Variants in MTHFD1 observed in about 807,000 individuals in gnomAD.
The protein encoded by MTHFD1 is C-1-tetrahydrofolate synthase, cytoplasmic.
Under a neutral mutation model 110.3 loss-of-function variants are expected in MTHFD1, and 44 were observed. That is an observed-to-expected ratio of 0.40 (90% confidence interval 0.31 to 0.51). The LOEUF is 0.51. Among genes scored for constraint, MTHFD1 ranks in the 20% least tolerant of loss-of-function variants. The pLI, the probability that MTHFD1 is intolerant of heterozygous loss-of-function variation, is 0.60. For synonymous variants in MTHFD1, 402 were observed against 428.8 expected, an observed-to-expected ratio of 0.94 and a Z score of 0.77; for missense variants, 909 against 1,173.1, an observed-to-expected ratio of 0.77 and a Z score of 3.29.
In MTHFD1 at chr14:64,440,295, G is replaced by A. The variant is rs759256802; in HGVS notation, c.1815+29G>A. 18 of 1,613,978 alleles carry A rather than the reference G, an allele frequency of 1.1e-5. No homozygotes were observed. The East Asian group carries it at 2.7e-4, about 24-fold the overall frequency. ...GGTACCCAGACACGCCAGGCTTGGC[G>A]ACATATCTGTGTCTGTTGTCCTAGG... On this transcript the variant is annotated intron_variant, in intron 18 of 27. Transcript: ENST00000652337.
At chr14:64,396,461 G>C (rs181626919) in intron 1 of MTHFD1, among the ~76,000 whole-genome samples, 1 of 148,616 alleles carries the variant, frequency 6.7e-6, no homozygotes, top group African/African-American at 2.5e-5. Flanking sequence ...GCGCGATCTC[G>C]GCTCACCGCA....
At chr14:64,454,287 G>C (rs1327190712) in intron 25 of MTHFD1, among the ~76,000 whole-genome samples, 1 of 151,898 alleles carries the variant, frequency 6.6e-6, no homozygotes, top group African/African-American at 2.4e-5. Flanking sequence ...TAATTTTTGT[G>C]TTTTTTGTTG....
At chr14:64,458,449 G>T in intron 27 of MTHFD1, 142 bp downstream of exon 27, 1 of 714,272 alleles carries the variant, frequency 1.4e-6, no homozygotes, top group Non-Finnish European at 2.6e-6. Context: ...GGGGAGAGGG[G>T]ATAGTAATGA....
At position 64,444,418 on chromosome 14, in the gene MTHFD1, G is replaced by A. The variant is rs182386823; in HGVS notation, c.2137-275G>A. Among the ~76,000 whole-genome samples the A allele has an allele frequency of 1.4e-4, 21 of 152,070 alleles. No individual in the cohort carries two copies. In the East Asian group the frequency reaches 3.5e-3, roughly 25 times the overall value. ...TTCACTCGAGTCACTGCACCTGCTTGGTACACCCCTTTCCACCTCTCCTGC... is the reference window on the plus strand; with the variant it reads ...TTCACTCGAGTCACTGCACCTGCTTAGTACACCCCTTTCCACCTCTCCTGC... On this transcript the variant is annotated intron_variant, in intron 21 of 27. Coordinates refer to ENST00000652337, the MANE Select transcript of MTHFD1 (RefSeq NM_005956.4).
intron 11 of MTHFD1, among the ~76,000 whole-genome samples, chr14:64,427,093 T>C (rs1169763530): frequency 6.6e-6 from 1 of 152,102 alleles, no homozygotes; most frequent in African/African-American, 2.4e-5. Flanking sequence ...GTTTGCTCTG[T>C]TGCCCAGGCT....
chr14:64,401,203 G>T (rs1387071770), intron 2 of MTHFD1, among the ~76,000 whole-genome samples: 1 of 151,536 alleles, frequency 6.6e-6, no homozygotes, highest in Admixed American at 6.6e-5. Flanking sequence ...TTACTCTGTT[G>T]CCAGGCTGGA....
At chr14:64,443,846 A>T (rs900826168) in intron 21 of MTHFD1, among the ~76,000 whole-genome samples, 1 of 152,148 alleles carries the variant, frequency 6.6e-6, no homozygotes, top group Non-Finnish European at 1.5e-5. Flanking sequence ...GAACATTTGC[A>T]CATATGGCTC....
chr14:64,393,553 C>A (rs1049223449), intron 1 of MTHFD1, among the ~76,000 whole-genome samples: 5 of 152,204 alleles, frequency 3.3e-5, no homozygotes, highest in African/African-American at 1.2e-4. Flanking sequence ...CTGGGACCTT[C>A]AGCTAGGACC....
chr14:64,431,495 C>A, intron 13 of MTHFD1, 37 bp from the exon 14 acceptor site: 1 of 1,520,452 alleles, frequency 6.6e-7, no homozygotes, highest in Non-Finnish European at 9.1e-7. Flanking sequence ...AGATACAGAG[C>A]AGCTGGGAGA....
intron 18 of MTHFD1, 139 bp from the exon 19 acceptor site, chr14:64,441,246 A>T: frequency 2.5e-6 from 2 of 812,830 alleles, no homozygotes; most frequent in Non-Finnish European, 4.4e-6. Flanking sequence ...GAAAAAAACC[A>T]TGAATGGTCC....
In MTHFD1 at chr14:64,441,339, G is replaced by GT. The variant is rs753507199; in HGVS notation, c.1816-39dup. Reference sequence around the variant, plus strand: ...TCAAATATTGGTTTCAGAAGGTTGGGTTTTTTTGCTGGTGGGAGTTGATGC... The same window carrying GT: ...TCAAATATTGGTTTCAGAAGGTTGGGTTTTTTTTGCTGGTGGGAGTTGATGC... On this transcript the variant is annotated intron_variant, in intron 18 of 27. Transcript: ENST00000652337. 7 of 1,589,980 alleles carry GT rather than the reference G, an allele frequency of 4.4e-6. No individual in the cohort carries two copies. In the Admixed American group the frequency reaches 6.7e-5, roughly 15 times the overall value.
intron 1 of MTHFD1, among the ~76,000 whole-genome samples, chr14:64,397,829 A>G (rs1269719000): frequency 6.6e-6 from 1 of 151,822 alleles, no homozygotes; most frequent in Admixed American, 6.6e-5. Flanking sequence ...TTATTTACTC[A>G]TTTTTCTATA....
intron 6 of MTHFD1, 97 bp downstream of exon 6, chr14:64,415,836 A>T: frequency 8.1e-7 from 1 of 1,233,468 alleles, no homozygotes; most frequent in Non-Finnish European, 1.2e-6. Context: ...GGCCATAAAT[A>T]AATGGACTTG....
chr14:64,408,566 G>T (rs2077956704), intron 2 of MTHFD1, among the ~76,000 whole-genome samples: 1 of 152,218 alleles, frequency 6.6e-6, no homozygotes, highest in South Asian at 2.1e-4. Flanking sequence ...TGGGATTACA[G>T]GCGTGAGCCA....
At chr14:64,449,753 C>T in intron 24 of MTHFD1, 131 bp downstream of exon 24, 1 of 1,032,068 alleles carries the variant, frequency 9.7e-7, no homozygotes, top group South Asian at 1.4e-5. Flanking sequence ...ACGTAGGTGA[C>T]TTACACAACC....
intron 16 of MTHFD1, among the ~76,000 whole-genome samples, chr14:64,437,542 A>G (rs1187442874): frequency 6.6e-6 from 1 of 152,136 alleles, no homozygotes; most frequent in Non-Finnish European, 1.5e-5. Flanking sequence ...CTATGATTTA[A>G]CTCAATTCTG....
At chr14:64,405,542 C>G (rs1246664661) in intron 2 of MTHFD1, among the ~76,000 whole-genome samples, 1 of 152,186 alleles carries the variant, frequency 6.6e-6, no homozygotes, top group Non-Finnish European at 1.5e-5. Flanking sequence ...TTCCCACATT[C>G]CCTGAGCTAG....
rs2078055007 is a variant in MTHFD1 at position 64,419,838 on chromosome 14, G to A, written c.640G>A (p.Val214Ile). Reference sequence around the variant, plus strand: ...GGTAAATAAAGGTGACATCCTGGTGGTTGCAACTGGTCAGCCTGAAATGGT... The same window carrying A: ...GGTAAATAAAGGTGACATCCTGGTGATTGCAACTGGTCAGCCTGAAATGGT... ...EEVNKGDILV[V>I]ATGQPEMVKG... The change falls in exon 8 of 28, where the codon GTT becomes ATT. Residue 214 changes from valine to isoleucine, a missense_variant. Physicochemically the swap from Val to Ile is conservative, Grantham distance 29. Coordinates refer to ENST00000652337, the MANE Select transcript of MTHFD1 (RefSeq NM_005956.4). 6.2e-7 allele frequency: 1 copy of A among 1,613,964 alleles called. No individual in the cohort carries two copies. The highest frequency in any genetic ancestry group is 8.5e-7 in the Non-Finnish European group (1 of 1,179,848).
chr14:64,427,076 G>C (rs1453664097), intron 11 of MTHFD1, among the ~76,000 whole-genome samples: 2 of 151,344 alleles, frequency 1.3e-5, no homozygotes, highest in Non-Finnish European at 2.9e-5. Context: ...TTCTTTAAGA[G>C]ATGGGGGTTT....
Sources: allele counts gnomAD v4.1 joint callset (sites outside exome capture counted in the v4.1 genomes callset), GRCh38; gene constraint gnomAD v4.1.1; transcripts MANE v1.5; gene names NCBI Gene and HGNC (gene_info 2026-07-23, HGNC 2026-07-21).